The following PHACTR3 variants were observed in gnomAD, a reference collection of about 807,000 sequenced individuals.
PHACTR3 encodes the protein phosphatase and actin regulator 3.
Under a neutral mutation model 66.8 loss-of-function variants are expected in PHACTR3, and 16 were observed. The observed-to-expected ratio is 0.24, with a 90% CI of 0.16 to 0.36. The LOEUF is 0.36. Ranked by LOEUF, PHACTR3 falls within the 10% of genes least tolerant of loss-of-function variation. The pLI is 1.00. For synonymous variants in PHACTR3, 323 were observed against 292.1 expected (o/e 1.11, Z -1.08); for missense variants, 647 against 719.9 (o/e 0.90, Z 1.16).
chr20:59,836,212 C>T, intron 8 of PHACTR3: 1 of 390,436 alleles, frequency 2.6e-6, no homozygotes, highest in Non-Finnish European at 4.6e-6. Flanking sequence ...GTGAACAGTC[C>T]AGACCAGGCA....
At chr20:59,831,242 C>A (rs925297723) in intron 8 of PHACTR3, among the ~76,000 whole-genome samples, 7 of 152,152 alleles carry the variant, frequency 4.6e-5, no homozygotes, top group Admixed American at 2.0e-4. Context: ...GTGTTGTGCT[C>A]GATACCTTTA....
intron 1 of PHACTR3, among the ~76,000 whole-genome samples, chr20:59,707,045 C>T (rs1042814917): frequency 1.3e-5 from 2 of 152,004 alleles, no homozygotes; most frequent in Non-Finnish European, 2.9e-5. Context: ...AAAAATAGTC[C>T]GACTTGAGCT....
At chr20:59,793,109 G>A (rs1600667235) in intron 7 of PHACTR3, among the ~76,000 whole-genome samples, 1 of 151,904 alleles carries the variant, frequency 6.6e-6, no homozygotes, top group African/African-American at 2.4e-5. Flanking sequence ...GGGTGCTCTT[G>A]AACTCTTGAG....
chr20:59,706,032 G>A (rs1050336270), intron 1 of PHACTR3, among the ~76,000 whole-genome samples: 1 of 152,208 alleles, frequency 6.6e-6, no homozygotes, highest in Non-Finnish European at 1.5e-5. Flanking sequence ...TTCCAAGTCA[G>A]CAGGTGACCT....
intron 7 of PHACTR3, among the ~76,000 whole-genome samples, chr20:59,798,927 T>C (rs373286493): frequency 9.3e-4 from 141 of 152,240 alleles, no homozygotes; most frequent in African/African-American, 3.2e-3. Flanking sequence ...TTTCTTCTTT[T>C]TTAATATTGG....
At chr20:59,795,213 C>A (rs929816458) in intron 7 of PHACTR3, among the ~76,000 whole-genome samples, 11 of 152,052 alleles carry the variant, frequency 7.2e-5, no homozygotes, top group African/African-American at 2.7e-4. Context: ...AAGATACTTT[C>A]TAATTTCCCT....
intron 1 of PHACTR3, among the ~76,000 whole-genome samples, chr20:59,582,756 G>C (rs1181245516): frequency 6.6e-6 from 1 of 152,098 alleles, no homozygotes; most frequent in Non-Finnish European, 1.5e-5. Context: ...CTTTTTCCAG[G>C]GGGGTCGTTC....
At chr20:59,837,501 C>T (rs963289319) in intron 9 of PHACTR3, among the ~76,000 whole-genome samples, 1 of 152,310 alleles carries the variant, frequency 6.6e-6, no homozygotes, top group African/African-American at 2.4e-5. Flanking sequence ...AAACAATCCC[C>T]TCCTTTATAG....
rs138502891 is a variant in PHACTR3, at chr20:59,801,907, C to T, written c.1175-4134C>T. ...CCTTCCCTCACCTGACCAAGCTTAG[C>T]GAGACGTGTGGCATCTTCCTCATCT... On this transcript the variant is annotated intron_variant, in intron 7 of 12. Transcript: ENST00000371015. Among the ~76,000 whole-genome samples the T allele has an allele frequency of 2.2e-3, 339 of 152,278 alleles. 5 individuals carry two copies. The South Asian group carries it at 0.037, about 16-fold the overall frequency.
intron 7 of PHACTR3, among the ~76,000 whole-genome samples, chr20:59,802,699 G>A (rs986023359): frequency 6.6e-5 from 10 of 152,184 alleles, no homozygotes; most frequent in South Asian, 4.1e-4. Flanking sequence ...TCTGGTATCC[G>A]GAGAGAAGGA....
At chr20:59,620,421 G>T (rs1013293722) in intron 1 of PHACTR3, among the ~76,000 whole-genome samples, 2 of 152,184 alleles carry the variant, frequency 1.3e-5, no homozygotes, top group African/African-American at 4.8e-5. Flanking sequence ...AGGATCCCAC[G>T]TGGCACGCGG....
intron 1 of PHACTR3, among the ~76,000 whole-genome samples, chr20:59,647,405 A>G (rs1037941246): frequency 3.3e-5 from 5 of 152,160 alleles, no homozygotes; most frequent in African/African-American, 9.7e-5. Context: ...AACCATATCA[A>G]CTAGCATGGA....
chr20:59,689,164 C>T (rs1321612581), intron 1 of PHACTR3, among the ~76,000 whole-genome samples: 1 of 152,198 alleles, frequency 6.6e-6, no homozygotes, highest in African/African-American at 2.4e-5. Context: ...CGTGGATTTG[C>T]AGGCGCTGAG....
intron 11 of PHACTR3, 47 bp downstream of exon 11, chr20:59,841,582 AG>A (rs1410951554): frequency 6.4e-7 from 1 of 1,572,042 alleles, no homozygotes; most frequent in African/African-American, 1.4e-5. Flanking sequence ...GATATAATAA[AG>A]GCAAAATATG....
At chr20:59,687,150 G>A (rs1318503608) in intron 1 of PHACTR3, among the ~76,000 whole-genome samples, 3 of 150,846 alleles carry the variant, frequency 2.0e-5, no homozygotes, top group Non-Finnish European at 3.0e-5. Flanking sequence ...CAGTGATGAT[G>A]ACGATGGTGA....
chr20:59,731,224 T>C (rs879844817), intron 1 of PHACTR3, among the ~76,000 whole-genome samples: 3 of 152,216 alleles, frequency 2.0e-5, no homozygotes, highest in Non-Finnish European at 4.4e-5. Flanking sequence ...ATTTCACTTT[T>C]TGTCCTTTCT....
chr20:59,809,178 T>C (rs1440339651), intron 8 of PHACTR3, among the ~76,000 whole-genome samples: 1 of 152,118 alleles, frequency 6.6e-6, no homozygotes, highest in East Asian at 1.9e-4. Flanking sequence ...TTGAGTGTTT[T>C]CACGGTGGAG....
rs548175164 is a variant in PHACTR3 at position 59,667,406 on chromosome 20, C to T, written c.118+62274C>T. Among the ~76,000 whole-genome samples the T allele has an allele frequency of 2.6e-5, 4 of 152,336 alleles. No individual in the cohort carries two copies. In the South Asian group the frequency reaches 8.3e-4, roughly 32 times the overall value. On this transcript the variant is annotated intron_variant, in intron 1 of 12. Transcript: ENST00000371015. ...ACTCTGCCTCCCAACTAGCCCGTCT[C>T]ATTGTCTCATTTATTGACTTCTCCC...
chr20:59,831,325 CCT>C (rs1210175040), intron 8 of PHACTR3, among the ~76,000 whole-genome samples: 2 of 152,206 alleles, frequency 1.3e-5, no homozygotes, highest in Non-Finnish European at 2.9e-5. Flanking sequence ...TTCCGGCCTC[CCT>C]GTCATCCCCA....
Sources: gnomAD v4.1 joint callset for allele counts (sites outside exome capture counted in the v4.1 genomes callset) on GRCh38, gnomAD v4.1.1 for gene constraint, MANE v1.5 for transcripts, NCBI Gene and HGNC (gene_info 2026-07-23, HGNC 2026-07-21) for gene names.